CCDC137: variants seen among roughly 807,000 people sequenced by gnomAD.
CCDC137 encodes the protein coiled-coil domain-containing protein 137.
Under a neutral mutation model 30.4 loss-of-function variants are expected in CCDC137, and 24 were observed. That is an observed-to-expected ratio of 0.79 (90% CI 0.57 to 1.11). CCDC137 has a LOEUF of 1.11. Among genes scored for constraint, CCDC137 ranks in the 50% least tolerant of loss-of-function variants. The pLI is 0.00. For missense variants in CCDC137, 417 were observed against 380.4 expected (o/e 1.10, Z -0.80); for synonymous variants, 182 against 155.7 (o/e 1.17, Z -1.26).
At chr17:81,671,873 C>G in intron 4 of CCDC137, 47 bp downstream of exon 4, 1 of 1,601,758 alleles carries the variant, frequency 6.2e-7, no homozygotes, top group African/African-American at 1.3e-5. Flanking sequence ...CGGGTGGGGC[C>G]TGGGCGCAGG....
chr17:81,668,413 C>G (rs974475405), intron 2 of CCDC137, among the ~76,000 whole-genome samples: 10 of 152,168 alleles, frequency 6.6e-5, no homozygotes, highest in African/African-American at 2.4e-4. Context: ...TCCACATGTC[C>G]ACCGCTGCAA....
Position 81,672,749 on chromosome 17 carries a change from C to G in CCDC137, c.*45C>G. The G allele has an allele frequency of 1.3e-6, 2 of 1,488,462 alleles. No homozygotes were observed. Among genetic ancestry groups the G allele is most frequent in the Non-Finnish European group, 1.8e-6 (2 of 1,107,750 alleles). 92.2% of individuals were successfully genotyped at this position (1,488,462 alleles called of 1,614,324 possible). A position where few individuals can be genotyped will look rare whatever the true frequency, so the allele number is the denominator to read the frequency against. On this transcript the variant is annotated 3_prime_UTR_variant, in exon 6 of 6. Coordinates refer to ENST00000329214, the MANE Select transcript of CCDC137 (RefSeq NM_199287.3). The stretch of plus-strand genomic sequence containing the variant: ...TGGCCACGCTCTGGGGCAACTGGCA[C>G]CAGGAGCTGCTACACCTGGGTAGGA...
In CCDC137 at chr17:81,670,444, C is replaced by T. The variant is rs1598733722; in HGVS notation, c.488C>T (p.Ala163Val). Residue 163 changes from alanine to valine, a missense_variant, in exon 3 of 6, where the codon GCA (alanine) becomes GTA (valine). Transcript: ENST00000329214. Reference protein sequence around the residue: ...APKEKSEQKKAKKAFQKRRLD... With the variant: ...APKEKSEQKKVKKAFQKRRLD... ...AAGGAGAAGTCTGAGCAGAAAAAAGCAAAAAAAGCGTGAGTGGAGGCGGGA... is the reference window on the plus strand; with the variant it reads ...AAGGAGAAGTCTGAGCAGAAAAAAGTAAAAAAAGCGTGAGTGGAGGCGGGA... 1.2e-6 allele frequency: 2 copies of T among 1,608,286 alleles called. No individual in the cohort carries two copies. The highest frequency in any genetic ancestry group is 1.7e-6 in the Non-Finnish European group (2 of 1,178,416).
intron 1 of CCDC137, 57 bp from the exon 2 acceptor site, chr17:81,667,672 C>T: frequency 6.3e-7 from 1 of 1,598,030 alleles, no homozygotes; most frequent in Non-Finnish European, 8.5e-7. Context: ...GTTTCTCTTA[C>T]TGATTCTGCT....
At chr17:81,668,883 T>G (rs1255569494) in intron 2 of CCDC137, among the ~76,000 whole-genome samples, 1 of 75,304 alleles carries the variant, frequency 1.3e-5, no homozygotes, top group Admixed American at 1.1e-4. Flanking sequence ...TTGTGTGTGG[T>G]TTTTTTTTTT....
intron 3 of CCDC137, 35 bp downstream of exon 3, chr17:81,670,488 G>C: frequency 6.4e-7 from 1 of 1,557,304 alleles, no homozygotes; most frequent in South Asian, 1.1e-5. Flanking sequence ...GGTCTGCCCT[G>C]GGAGCCGGAG....
rs1364341610 is a variant in CCDC137, at chr17:81,671,596, G to A, written c.498-148G>A. On this transcript the variant is annotated intron_variant, in intron 3 of 5. Transcript: ENST00000329214. ...GTGGGCAGCTGTGGGTTTTGGGGTG[G>A]TAAGGGGAGCGGGGACTTGGAGGCA... The A allele has an allele frequency of 5.8e-6, 4 of 693,978 alleles. No individual in the cohort carries two copies. The South Asian group carries it at 6.9e-5, about 12-fold the overall frequency. 43.0% of individuals were successfully genotyped at this position (693,978 alleles called of 1,614,324 possible).
chr17:81,668,334 C>G lies in CCDC137; in HGVS notation c.268+472C>G, dbSNP rs868657958. Among the ~76,000 whole-genome samples, 21 of 152,214 alleles carry G rather than the reference C, an allele frequency of 1.4e-4. No individual in the cohort carries two copies. The Middle Eastern group carries it at 0.017, about 123-fold the overall frequency. On this transcript the variant is annotated intron_variant, in intron 2 of 5. Coordinates refer to ENST00000329214, the MANE Select transcript of CCDC137 (RefSeq NM_199287.3). ...AGAGAGAAGTGGGTGGAGTCAGGAGCTGAAGGAGGAAATTCCATCAGGCCC... is the reference window on the plus strand; with the variant it reads ...AGAGAGAAGTGGGTGGAGTCAGGAGGTGAAGGAGGAAATTCCATCAGGCCC...
intron 3 of CCDC137, among the ~76,000 whole-genome samples, chr17:81,671,036 G>A (rs1218967603): frequency 6.6e-6 from 1 of 151,928 alleles, no homozygotes; most frequent in African/African-American, 2.4e-5. Context: ...GGAGCCTGAG[G>A]CAGTGGAATC....
chr17:81,666,936 C>T (rs1390974032), intron 1 of CCDC137, 36 bp downstream of exon 1: 3 of 1,246,870 alleles, frequency 2.4e-6, no homozygotes, highest in Non-Finnish European at 3.0e-6. Flanking sequence ...CCACACTTCC[C>T]CAGAGAAGGG....
intron 5 of CCDC137, 105 bp from the exon 6 acceptor site, chr17:81,672,388 TGA>T (rs1441955861): frequency 8.9e-7 from 1 of 1,123,460 alleles, no homozygotes; most frequent in Non-Finnish European, 1.3e-6. Flanking sequence ...GTGTGTGGCC[TGA>T]GAGTGCAGTG....
intron 1 of CCDC137, among the ~76,000 whole-genome samples, chr17:81,667,433 T>G (rs2036650893): frequency 6.6e-6 from 1 of 151,094 alleles, no homozygotes. Flanking sequence ...GTTCACGCCA[T>G]TCTCCTGCCT....
intron 3 of CCDC137, 102 bp from the exon 4 acceptor site, chr17:81,671,642 T>C: frequency 8.5e-7 from 1 of 1,181,584 alleles, no homozygotes; most frequent in Non-Finnish European, 1.2e-6. Context: ...CTTGGGTCCC[T>C]GCTCTGCCAC....
rs549888801 is a variant in CCDC137, at chr17:81,672,561, G to A, written c.727G>A (p.Ala243Thr). Reference protein sequence around the residue: ...SPGGVSQPLTASLARQRIVEE... With the variant: ...SPGGVSQPLTTSLARQRIVEE... ...CGGTGGTGTGTCCCAGCCTCTGACC[G>A]CCTCCCTGGCCCGCCAGCGGATTGT... Residue 243 changes from alanine (A) to threonine (T), a missense_variant, in exon 6 of 6, where the codon GCC becomes ACC. Transcript: ENST00000329214. 76 of 1,573,944 alleles carry A rather than the reference G, an allele frequency of 4.8e-5. No individual in the cohort carries two copies. The highest frequency in any genetic ancestry group is 4.5e-4 in the South Asian group (39 of 85,942).
chr17:81,672,180 G>C (rs779772538), intron 5 of CCDC137, 25 bp downstream of exon 5: 4 of 1,605,988 alleles, frequency 2.5e-6, no homozygotes, highest in Admixed American at 1.7e-5. Context: ...GGGACAACTT[G>C]AGTTTGTCCC....
Position 81,670,327 on chromosome 17 carries a change from C to T in CCDC137, c.371C>T (p.Ala124Val), listed in dbSNP as rs1393779586. ...CAGAGGAAGGGGGAGTCTGACGGGG[C>T]CTATATCCACCGCATGCAGCAAGAG... Reference protein sequence around the residue: ...FKQRKGESDGAYIHRMQQEAQ... With the variant: ...FKQRKGESDGVYIHRMQQEAQ... The change falls in exon 3 of 6, where the codon GCC becomes GTC. Residue 124 changes from alanine to valine, a missense_variant. Ala to Val is a moderately conservative substitution (Grantham distance 64). Coordinates refer to ENST00000329214, the MANE Select transcript of CCDC137 (RefSeq NM_199287.3). 8.7e-6 allele frequency: 14 copies of T among 1,613,944 alleles called. No individual in the cohort carries two copies. The highest frequency in any genetic ancestry group is 1.2e-5 in the Non-Finnish European group (14 of 1,180,024).
rs765924202 is a variant in CCDC137 at position 81,667,908 on chromosome 17, C to CA, written c.268+48dup. ...GGCGGCAGTGAAGCTTTGTGTGTCT[C>CA]AACCCGCCCAATCGCCCAAATACTT... On this transcript the variant is annotated intron_variant, in intron 2 of 5. Coordinates refer to ENST00000329214, the MANE Select transcript of CCDC137 (RefSeq NM_199287.3). 3.1e-6 allele frequency: 5 copies of CA among 1,590,770 alleles called. No individual in the cohort carries two copies. In the African/African-American group the frequency reaches 6.8e-5, roughly 22 times the overall value.
At chr17:81,670,540 T>C in intron 3 of CCDC137, 87 bp downstream of exon 3, 1 of 1,166,626 alleles carries the variant, frequency 8.6e-7, no homozygotes, top group Admixed American at 2.2e-5. Context: ...GCAGGTACCC[T>C]GTTTCATAGC....
chr17:81,670,093 GC>G, intron 2 of CCDC137, 131 bp from the exon 3 acceptor site: 1 of 685,732 alleles, frequency 1.5e-6, no homozygotes, highest in Non-Finnish European at 2.5e-6. Context: ...ATCCTCTTCA[GC>G]TGCTGTCGTT....
Sources: gnomAD v4.1 joint callset for allele counts (sites outside exome capture counted in the v4.1 genomes callset) on GRCh38, gnomAD v4.1.1 for gene constraint, MANE v1.5 for transcripts, NCBI Gene and HGNC (gene_info 2026-07-23, HGNC 2026-07-21) for gene names.